Variants in COG2 observed in about 807,000 individuals in gnomAD.
COG2 encodes component of oligomeric golgi complex 2.
In COG2, 52 loss-of-function variants were observed where a neutral mutation model predicts 90.6. The ratio of observed to expected loss-of-function variants is 0.57; its 90% confidence interval spans 0.46 to 0.72. The LOEUF is 0.72. COG2 is among the 30% of genes least tolerant of loss of function. The pLI is 0.00. For synonymous variants in COG2, 337 were observed against 320.4 expected, an observed-to-expected ratio of 1.05 and a Z score of -0.55; for missense variants, 829 against 891.2, an observed-to-expected ratio of 0.93 and a Z score of 0.89.
chr1:230,683,520 A>G (rs1662805616), intron 10 of COG2, 54 bp from the exon 11 acceptor site: 1 of 1,345,482 alleles, frequency 7.4e-7, no homozygotes, highest in Admixed American at 1.7e-5. Context: ...ATGGATAGGG[A>G]AAGGCATCTG....
At position 230,678,962 on chromosome 1, in the gene COG2, G is replaced by T. The variant is rs1662666455; in HGVS notation, c.1076G>T (p.Gly359Val). The T allele has an allele frequency of 1.9e-6, 3 of 1,613,478 alleles. No individual in the cohort carries two copies. The highest frequency in any genetic ancestry group is 1.6e-4 in the Middle Eastern group (1 of 6,080). The change falls in exon 10 of 18, where the codon GGA (glycine) becomes GTA (valine). Residue 359 changes from glycine (G) to valine (V), a missense_variant. Coordinates refer to ENST00000366669, the MANE Select transcript of COG2 (RefSeq NM_007357.3). ...GTCAGAAGATTGGAACGGCAGTGTG[G>T]ATCACAGGCTAGTGTAAAGAGATTA... Reference protein sequence around the residue: ...DFVRRLERQCGSQASVKRLRA... With the variant: ...DFVRRLERQCVSQASVKRLRA...
chr1:230,675,148 A>G (rs1662557965), intron 9 of COG2, 24 bp downstream of exon 9: 1 of 1,599,634 alleles, frequency 6.3e-7, no homozygotes, highest in Admixed American at 1.7e-5. Flanking sequence ...CGTCGTCTTG[A>G]TTCTTGAAGA....
intron 1 of COG2, among the ~76,000 whole-genome samples, chr1:230,652,348 C>T (rs150177127): frequency 1.3e-5 from 2 of 152,270 alleles, no homozygotes; most frequent in East Asian, 1.9e-4. Flanking sequence ...TAGAAATGTA[C>T]GTTTAAGATT....
chr1:230,669,458 A>G lies in COG2; in HGVS notation c.697A>G (p.Thr233Ala). ...DVDIIRHCLR[T>A]YATIDKTRDA... ...CGATATAATACGGCACTGCTTGCGGACTTACGCCACGATTGACAAGACACG... is the reference window on the plus strand; with the variant it reads ...CGATATAATACGGCACTGCTTGCGGGCTTACGCCACGATTGACAAGACACG... The change falls in exon 7 of 18, where the codon ACT becomes GCT. Residue 233 changes from threonine (T) to alanine (A), a missense_variant. By Grantham distance (58) the Thr-to-Ala change is moderately conservative (BLOSUM62 0). Coordinates refer to ENST00000366669, the MANE Select transcript of COG2 (RefSeq NM_007357.3). 1 of 1,614,048 alleles carries G rather than the reference A, an allele frequency of 6.2e-7. No individual in the cohort carries two copies.
chr1:230,673,564 G>A (rs1336405641), intron 8 of COG2, among the ~76,000 whole-genome samples: 2 of 152,164 alleles, frequency 1.3e-5, no homozygotes. Context: ...TTAACTTTGG[G>A]AATGAGGAAA....
At chr1:230,652,580 G>A (rs1328036095) in intron 1 of COG2, among the ~76,000 whole-genome samples, 1 of 152,134 alleles carries the variant, frequency 6.6e-6, no homozygotes, top group Non-Finnish European at 1.5e-5. Flanking sequence ...GAGCACAATT[G>A]GCAAGACTCT....
At position 230,688,020 on chromosome 1, in the gene COG2, C is replaced by T. The variant is rs764914431; in HGVS notation, c.1579-51C>T. 51 of 1,295,242 alleles carry T rather than the reference C, an allele frequency of 3.9e-5. No homozygotes were observed. In the Middle Eastern group the frequency reaches 7.3e-4, roughly 19 times the overall value. 80.2% of individuals were successfully genotyped at this position (1,295,242 alleles called of 1,614,324 possible). ...GTAGATGCAAATAGAATTGCCTCTT[C>T]CTTTGATTTATAAAAAGTAACTGAA... is the stretch of plus-strand genomic sequence containing the variant. On this transcript the variant is annotated intron_variant, in intron 13 of 17. Coordinates refer to ENST00000366669, the MANE Select transcript of COG2 (RefSeq NM_007357.3).
intron 8 of COG2, among the ~76,000 whole-genome samples, chr1:230,673,097 A>AAAT (rs1662493612): frequency 6.6e-6 from 1 of 152,218 alleles, no homozygotes; most frequent in Non-Finnish European, 1.5e-5. Context: ...GGATAAGAAC[A>AAAT]TAGTAGAAAT....
chr1:230,654,682 T>C (rs1662007234), intron 1 of COG2, among the ~76,000 whole-genome samples: 1 of 152,218 alleles, frequency 6.6e-6, no homozygotes, highest in African/African-American at 2.4e-5. Context: ...TAAATTACTT[T>C]GGGCAGTATG....
chr1:230,668,690 G>A lies in COG2; in HGVS notation c.500G>A (p.Gly167Glu). 1 of 1,611,098 alleles carries A rather than the reference G, an allele frequency of 6.2e-7. No individual in the cohort carries two copies. The highest frequency in any genetic ancestry group is 8.5e-7 in the Non-Finnish European group (1 of 1,178,360). ...ALEASSPLLT[G>E]QILERIATEF... ...TTCTCTACTAGCCCCCTTTTGACTG[G>A]ACAAATTTTGGAGAGAATTGCCACA... Residue 167 changes from glycine (G) to glutamate (E), a missense_variant, in exon 6 of 18, where the codon GGA (glycine) becomes GAA (glutamate). By Grantham distance (98) the Gly-to-Glu change is moderately conservative (BLOSUM62 -2). Coordinates refer to ENST00000366669, the MANE Select transcript of COG2 (RefSeq NM_007357.3).
At chr1:230,651,961 A>G (rs1206711272) in intron 1 of COG2, among the ~76,000 whole-genome samples, 3 of 152,206 alleles carry the variant, frequency 2.0e-5, no homozygotes, top group African/African-American at 7.2e-5. Flanking sequence ...TCCTAGTAAC[A>G]TCTTGAATTA....
chr1:230,643,740 G>A (rs946097163), intron 1 of COG2, among the ~76,000 whole-genome samples: 4 of 152,010 alleles, frequency 2.6e-5, no homozygotes, highest in Non-Finnish European at 5.9e-5. Flanking sequence ...CAGGAATAAT[G>A]TACCTTATTC....
intron 16 of COG2, among the ~76,000 whole-genome samples, chr1:230,690,625 A>G (rs969445585): frequency 1.3e-5 from 2 of 152,218 alleles, no homozygotes; most frequent in Admixed American, 6.5e-5. Flanking sequence ...TAAAACCTCT[A>G]AAACACTTGA....
intron 5 of COG2, among the ~76,000 whole-genome samples, chr1:230,665,591 A>T (rs1228000048): frequency 1.3e-5 from 2 of 152,230 alleles, no homozygotes; most frequent in East Asian, 3.8e-4. Context: ...AGATGAGGAG[A>T]TGAGGCATCC....
chr1:230,663,288 C>T (rs1662236341), intron 4 of COG2, 67 bp downstream of exon 4: 1 of 1,236,148 alleles, frequency 8.1e-7, no homozygotes, highest in Non-Finnish European at 1.2e-6. Flanking sequence ...CAAGCACTTT[C>T]AGGCATATGG....
At chr1:230,659,871 A>C (rs772162559) in intron 2 of COG2, among the ~76,000 whole-genome samples, 7 of 152,250 alleles carry the variant, frequency 4.6e-5, no homozygotes, top group Non-Finnish European at 1.0e-4. Context: ...AACAAAGGCT[A>C]GCAGTAGCAG....
chr1:230,649,042 C>T (rs1470759294), intron 1 of COG2, among the ~76,000 whole-genome samples: 2 of 152,164 alleles, frequency 1.3e-5, no homozygotes, highest in Admixed American at 6.5e-5. Flanking sequence ...TTTGCCTTCT[C>T]GTAAATACAT....
chr1:230,657,933 T>C (rs1662103521), intron 1 of COG2, among the ~76,000 whole-genome samples: 1 of 152,094 alleles, frequency 6.6e-6, no homozygotes, highest in South Asian at 2.1e-4. Context: ...TTTATATTCT[T>C]CTCCAAACTG....
At chr1:230,652,014 T>C (rs1310898400) in intron 1 of COG2, among the ~76,000 whole-genome samples, 3 of 152,230 alleles carry the variant, frequency 2.0e-5, no homozygotes, top group African/African-American at 4.8e-5. Context: ...TATTGAGGCA[T>C]TATTTTTAAC....
Sources: allele counts gnomAD v4.1 joint callset (sites outside exome capture counted in the v4.1 genomes callset), GRCh38; gene constraint gnomAD v4.1.1; transcripts MANE v1.5; gene names NCBI Gene and HGNC (gene_info 2026-07-23, HGNC 2026-07-21).